Variants in RNGTT observed in about 807,000 individuals in gnomAD.
RNGTT encodes the protein mRNA-capping enzyme.
A neutral mutation model predicts 79.3 loss-of-function variants in RNGTT; 33 were observed. That is an observed-to-expected ratio of 0.42 (90% CI 0.32 to 0.56). The LOEUF is 0.56. Among genes scored for constraint, RNGTT ranks in the 20% least tolerant of loss-of-function variants. The pLI, the probability that RNGTT is intolerant of heterozygous loss-of-function variation, is 0.17. For synonymous variants in RNGTT, 222 were observed against 235.9 expected (o/e 0.94, Z 0.54); for missense variants, 497 against 739.1 (o/e 0.67, Z 3.80).
At chr6:88,885,384 G>A (rs543959916) in intron 8 of RNGTT, among the ~76,000 whole-genome samples, 6 of 152,188 alleles carry the variant, frequency 3.9e-5, no homozygotes, top group Admixed American at 6.5e-5. Context: ...GGCTCTCAAC[G>A]GTCAAATGAG....
At chr6:88,792,293 C>T (rs1274072042) in intron 12 of RNGTT, among the ~76,000 whole-genome samples, 1 of 152,168 alleles carries the variant, frequency 6.6e-6, no homozygotes, top group East Asian at 1.9e-4. Context: ...TGTCTATAAT[C>T]AACTCTCTTC....
At chr6:88,798,067 T>C (rs1454684291) in intron 12 of RNGTT, among the ~76,000 whole-genome samples, 3 of 152,066 alleles carry the variant, frequency 2.0e-5, no homozygotes, top group Non-Finnish European at 4.4e-5. Context: ...ACTCATTTAA[T>C]TGGTTTTTTT....
intron 13 of RNGTT, among the ~76,000 whole-genome samples, chr6:88,685,969 T>C (rs58992799): frequency 0.025 from 3,723 of 151,446 alleles, 138 homozygotes; most frequent in African/African-American, 0.085. Context: ...AAAAACATGA[T>C]CTAAGGTTTA....
intron 2 of RNGTT, among the ~76,000 whole-genome samples, chr6:88,937,668 T>G (rs2127957234): frequency 6.6e-6 from 1 of 152,334 alleles, no homozygotes; most frequent in South Asian, 2.1e-4. Flanking sequence ...ACATTTTTGA[T>G]GTAGGCAATT....
intron 12 of RNGTT, among the ~76,000 whole-genome samples, chr6:88,777,812 T>C (rs1301559699): frequency 6.6e-6 from 1 of 152,222 alleles, no homozygotes; most frequent in African/African-American, 2.4e-5. Context: ...TTGCTCTTAC[T>C]AGTAGCTCCA....
chr6:88,858,877 G>T (rs1305197390), intron 8 of RNGTT, among the ~76,000 whole-genome samples: 1 of 152,142 alleles, frequency 6.6e-6, no homozygotes, highest in Non-Finnish European at 1.5e-5. Flanking sequence ...AGACAAGATA[G>T]AATGCAGCAA....
intron 13 of RNGTT, 28 bp downstream of exon 13, chr6:88,769,746 T>A: frequency 7.2e-7 from 1 of 1,390,162 alleles, no homozygotes; most frequent in Non-Finnish European, 1.0e-6. Flanking sequence ...TATTATTTCA[T>A]GCAAAAAGTA....
At chr6:88,753,818 A>G (rs59253111) in intron 13 of RNGTT, among the ~76,000 whole-genome samples, 3,742 of 152,166 alleles carry the variant, frequency 0.025, 141 homozygotes, top group African/African-American at 0.085. Flanking sequence ...ACAGAGGAGT[A>G]GCTGAATACT....
intron 1 of RNGTT, among the ~76,000 whole-genome samples, chr6:88,962,415 T>G (rs1001343306): frequency 1.3e-5 from 2 of 152,266 alleles, no homozygotes; most frequent in Admixed American, 6.5e-5. Context: ...GAGCATCGCT[T>G]GAGTCCACGA....
chr6:88,723,441 C>A (rs573198028), intron 13 of RNGTT, among the ~76,000 whole-genome samples: 1 of 152,250 alleles, frequency 6.6e-6, no homozygotes, highest in Admixed American at 6.5e-5. Flanking sequence ...TTGCAGACAG[C>A]CCCTTCTCTG....
chr6:88,940,727 T>C (rs1372372100), intron 2 of RNGTT, among the ~76,000 whole-genome samples: 1 of 152,178 alleles, frequency 6.6e-6, no homozygotes, highest in Non-Finnish European at 1.5e-5. Flanking sequence ...TCTGTGGAGA[T>C]GCAGCAGTTC....
chr6:88,838,121 A>G (rs1283868489), intron 11 of RNGTT, among the ~76,000 whole-genome samples: 2 of 152,196 alleles, frequency 1.3e-5, no homozygotes, highest in Non-Finnish European at 2.9e-5. Flanking sequence ...CTAACCATGT[A>G]TAAAAGGCAT....
At chr6:88,791,654 C>T (rs1486248028) in intron 12 of RNGTT, among the ~76,000 whole-genome samples, 1 of 152,156 alleles carries the variant, frequency 6.6e-6, no homozygotes, top group East Asian at 1.9e-4. Flanking sequence ...ATTCTCCTGC[C>T]TCAGCCTCCT....
chr6:88,656,414 A>G (rs1773979804), intron 14 of RNGTT, among the ~76,000 whole-genome samples: 1 of 151,568 alleles, frequency 6.6e-6, no homozygotes, highest in African/African-American at 2.4e-5. Context: ...TAGGATAAAC[A>G]AGAGGATAAT....
chr6:88,875,699 C>A (rs1037725489), intron 8 of RNGTT, among the ~76,000 whole-genome samples: 1 of 152,098 alleles, frequency 6.6e-6, no homozygotes, highest in Non-Finnish European at 1.5e-5. Flanking sequence ...GTACTCAGAA[C>A]AATGCCTAAT....
chr6:88,668,039 T>C (rs568853388), intron 14 of RNGTT, among the ~76,000 whole-genome samples: 4 of 152,142 alleles, frequency 2.6e-5, no homozygotes, highest in South Asian at 2.1e-4. Flanking sequence ...TGAGCTGCAA[T>C]GACAGCTACA....
At chr6:88,912,365 T>C (rs1339104253) in intron 4 of RNGTT, among the ~76,000 whole-genome samples, 1 of 152,156 alleles carries the variant, frequency 6.6e-6, no homozygotes, top group African/African-American at 2.4e-5. Flanking sequence ...GCTATGATCG[T>C]GCTACTGACC....
chr6:88,837,380 G>C (rs1781115976), intron 11 of RNGTT, among the ~76,000 whole-genome samples: 1 of 152,112 alleles, frequency 6.6e-6, no homozygotes, highest in Non-Finnish European at 1.5e-5. Flanking sequence ...CTGGGTACCA[G>C]AGCAAGGCCC....
Position 88,840,939 on chromosome 6 carries a change from C to T in RNGTT, c.1269+3418G>A, listed in dbSNP as rs148597156. Among the ~76,000 whole-genome samples, 31 of 152,236 alleles carry T rather than the reference C, an allele frequency of 2.0e-4. No individual in the cohort carries two copies. The East Asian group carries it at 5.2e-3, about 26-fold the overall frequency. On this transcript the variant is annotated intron_variant, in intron 11 of 15. Transcript: ENST00000369485. Reference sequence around the variant, plus strand: ...TAAACACATTTTCTTAAATGCTGAACTCTGAATTATGACAGCACAACCTGT... The same window carrying T: ...TAAACACATTTTCTTAAATGCTGAATTCTGAATTATGACAGCACAACCTGT...
Sources: gnomAD v4.1 joint callset for allele counts (sites outside exome capture counted in the v4.1 genomes callset) on GRCh38, gnomAD v4.1.1 for gene constraint, MANE v1.5 for transcripts, NCBI Gene and HGNC (gene_info 2026-07-23, HGNC 2026-07-21) for gene names.